The following CREB5 variants were observed in gnomAD, a reference collection of about 807,000 sequenced individuals.
The protein encoded by CREB5 is cAMP responsive element binding protein 5.
In CREB5, 19 loss-of-function variants were observed where a neutral mutation model predicts 57.1. The observed-to-expected ratio is 0.33, with a 90% CI of 0.23 to 0.49. CREB5 has a LOEUF of 0.49. Ranked by LOEUF, CREB5 falls within the 20% of genes least tolerant of loss-of-function variation. CREB5 has a pLI of 0.99. For synonymous variants in CREB5, 238 were observed against 238.3 expected, an observed-to-expected ratio of 1.00 and a Z score of 0.01; for missense variants, 579 against 671.6, an observed-to-expected ratio of 0.86 and a Z score of 1.52.
chr7:28,551,996 TTCTCTCTC>T (rs890435394), intron 4 of CREB5, among the ~76,000 whole-genome samples: 21 of 25,252 alleles, frequency 8.3e-4, no homozygotes, highest in African/African-American at 1.3e-3. Flanking sequence ...TTTCTCTCTT[TTCTCTCTC>T]TCTCTCTTTT....
intron 4 of CREB5, among the ~76,000 whole-genome samples, chr7:28,564,106 A>G (rs1042409983): frequency 1.3e-5 from 2 of 152,208 alleles, no homozygotes; most frequent in African/African-American, 4.8e-5. Context: ...TGTCTTGCAT[A>G]TCTTTTGGAT....
chr7:28,365,491 C>A (rs187326777), intron 1 of CREB5, among the ~76,000 whole-genome samples: 1 of 152,278 alleles, frequency 6.6e-6, no homozygotes, highest in Non-Finnish European at 1.5e-5. Context: ...CATCAGCAAA[C>A]AAAGGCATTG....
intron 1 of CREB5, among the ~76,000 whole-genome samples, chr7:28,313,010 C>G (rs184833142): frequency 6.6e-6 from 1 of 152,276 alleles, no homozygotes; most frequent in East Asian, 1.9e-4. Context: ...GTATTCTTGA[C>G]CAGTGGTAGT....
chr7:28,724,073 G>A, intron 6 of CREB5, 149 bp from the exon 7 acceptor site: 1 of 619,878 alleles, frequency 1.6e-6, no homozygotes, highest in Non-Finnish European at 2.7e-6. Context: ...GGCTCAGGAG[G>A]GCATTGCTTA....
chr7:28,694,629 G>A (rs138307948), intron 5 of CREB5, among the ~76,000 whole-genome samples: 91 of 152,230 alleles, frequency 6.0e-4, no homozygotes, highest in South Asian at 1.2e-3. Flanking sequence ...CTGCAGCCTC[G>A]AACTCTTGGG....
chr7:28,650,773 T>G (rs1016948586), intron 5 of CREB5, among the ~76,000 whole-genome samples: 1 of 152,242 alleles, frequency 6.6e-6, no homozygotes, highest in African/African-American at 2.4e-5. Flanking sequence ...TCTGTAGTGG[T>G]AGCAGATGGC....
intron 7 of CREB5, among the ~76,000 whole-genome samples, chr7:28,737,010 C>T (rs1047225350): frequency 6.6e-6 from 1 of 152,048 alleles, no homozygotes; most frequent in Non-Finnish European, 1.5e-5. Flanking sequence ...ATCCTGTTCC[C>T]ACCCAGACCT....
At chr7:28,349,277 AT>A (rs1381679698) in intron 1 of CREB5, among the ~76,000 whole-genome samples, 3 of 152,152 alleles carry the variant, frequency 2.0e-5, no homozygotes, top group African/African-American at 7.2e-5. Context: ...CACCAACGAT[AT>A]TTTCCAATTT....
intron 1 of CREB5, among the ~76,000 whole-genome samples, chr7:28,479,458 A>C (rs1791231651): frequency 6.6e-6 from 1 of 152,234 alleles, no homozygotes; most frequent in African/African-American, 2.4e-5. Context: ...AACATTTAGA[A>C]AGAGAACCTT....
intron 1 of CREB5, among the ~76,000 whole-genome samples, chr7:28,394,796 G>C (rs1319629565): frequency 1.3e-5 from 2 of 152,086 alleles, no homozygotes; most frequent in Admixed American, 6.5e-5. Context: ...TAAAAAGTTT[G>C]TCATGAAGAG....
intron 7 of CREB5, among the ~76,000 whole-genome samples, chr7:28,762,567 G>A (rs368154565): frequency 6.6e-6 from 1 of 152,116 alleles, no homozygotes; most frequent in Middle Eastern, 3.2e-3. Context: ...ATAATTGTTT[G>A]TATTTCTCTA....
chr7:28,679,052 CTTTTTTTTT>C (rs56266854), intron 5 of CREB5, among the ~76,000 whole-genome samples: 31 of 123,868 alleles, frequency 2.5e-4, no homozygotes, highest in African/African-American at 8.2e-4. Context: ...TTTTGTAGTT[CTTTTTTTTT>C]TTTTTTTTCA....
intron 1 of CREB5, among the ~76,000 whole-genome samples, chr7:28,398,871 C>T (rs1157216970): frequency 1.3e-5 from 2 of 152,040 alleles, no homozygotes; most frequent in Non-Finnish European, 2.9e-5. Context: ...ACTACCACAC[C>T]TGGCTAATTT....
chr7:28,501,322 A>T (rs1792264041), intron 3 of CREB5, among the ~76,000 whole-genome samples: 1 of 152,246 alleles, frequency 6.6e-6, no homozygotes. Flanking sequence ...ATAAGCATTG[A>T]AAAGAACAAA....
At chr7:28,715,277 C>T (rs191555200) in intron 5 of CREB5, among the ~76,000 whole-genome samples, 74 of 152,258 alleles carry the variant, frequency 4.9e-4, no homozygotes, top group African/African-American at 1.7e-3. Flanking sequence ...GTATAAGCCC[C>T]GTTCCCGTTC....
chr7:28,491,712 G>C (rs1335146817), intron 2 of CREB5, among the ~76,000 whole-genome samples: 3 of 152,188 alleles, frequency 2.0e-5, no homozygotes, highest in Admixed American at 6.5e-5. Context: ...TTAAGAAAAT[G>C]TAGCAGTCAC....
At chr7:28,464,956 T>C (rs1790504222) in intron 1 of CREB5, among the ~76,000 whole-genome samples, 1 of 152,254 alleles carries the variant, frequency 6.6e-6, no homozygotes, top group Non-Finnish European at 1.5e-5. Context: ...ATATAATTGG[T>C]ATGTTATGGG....
Position 28,442,540 on chromosome 7 carries a change from A to G in CREB5, c.3+29623A>G, listed in dbSNP as rs376121415. On this transcript the variant is annotated intron_variant, in intron 1 of 10. Transcript: ENST00000357727. ...TTGAGAAACTTTCATACTGTTTTCTATAATGGCTGTACTAATTCACATTCC... is the reference window on the plus strand; with the variant it reads ...TTGAGAAACTTTCATACTGTTTTCTGTAATGGCTGTACTAATTCACATTCC... Among the ~76,000 whole-genome samples the G allele has an allele frequency of 5.3e-5, 8 of 152,280 alleles. No individual in the cohort carries two copies. The East Asian group carries it at 9.6e-4, about 18-fold the overall frequency.
At chr7:28,498,489 A>G (rs766082162) in intron 3 of CREB5, among the ~76,000 whole-genome samples, 5 of 152,334 alleles carry the variant, frequency 3.3e-5, no homozygotes, top group Middle Eastern at 3.4e-3. Context: ...GATGTCACAG[A>G]TATACTCTAA....
Sources: allele counts gnomAD v4.1 joint callset (sites outside exome capture counted in the v4.1 genomes callset), GRCh38; gene constraint gnomAD v4.1.1; transcripts MANE v1.5; gene names NCBI Gene and HGNC (gene_info 2026-07-23, HGNC 2026-07-21).